The following ESR1 variants were observed in gnomAD, a reference collection of about 807,000 sequenced individuals.
ESR1 encodes estrogen receptor 1.
ESR1 carries 12 observed loss-of-function variants against 52.7 expected under a neutral mutation model. That is an observed-to-expected ratio of 0.23 (90% CI 0.15 to 0.37). ESR1 has a LOEUF of 0.37. Ranked by LOEUF, ESR1 falls within the 10% of genes least tolerant of loss-of-function variation. ESR1 has a pLI of 1.00. For synonymous variants in ESR1, 305 were observed against 316.8 expected, an observed-to-expected ratio of 0.96 and a Z score of 0.39; for missense variants, 584 against 779.7, an observed-to-expected ratio of 0.75 and a Z score of 2.99.
intron 2 of ESR1, among the ~76,000 whole-genome samples, chr6:151,770,677 C>G (rs1045230780): frequency 1.3e-5 from 2 of 151,692 alleles, no homozygotes; most frequent in East Asian, 3.9e-4. Flanking sequence ...GAATTTTAGG[C>G]AAAAAGTGTT....
In ESR1 at chr6:152,098,141, T is replaced by C. The variant is rs2050774693; in HGVS notation, c.1554-591T>C. ...AGGGCAGCACAAAAATCAGTGTGGC[T>C]CCGGAGAGCACATTAGGGGAGAGAG... is the stretch of plus-strand genomic sequence containing the variant. On this transcript the variant is annotated intron_variant, in intron 7 of 7. Transcript: ENST00000206249. This position sits in a 1 kb window ranked among gnomAD's most constrained non-coding sequence, Gnocchi z 5.1. Among the ~76,000 whole-genome samples the C allele has an allele frequency of 6.6e-6, 1 of 151,994 alleles. No homozygotes were observed. The highest frequency in any genetic ancestry group is 1.5e-5 in the Non-Finnish European group (1 of 68,006).
intron 2 of ESR1, among the ~76,000 whole-genome samples, chr6:151,725,039 T>C (rs1781737826): frequency 6.6e-6 from 1 of 152,228 alleles, no homozygotes; most frequent in African/African-American, 2.4e-5. Flanking sequence ...TATTTTCCTT[T>C]GTATTTCAAA....
chr6:152,048,639 G>A (rs562168193), intron 5 of ESR1, among the ~76,000 whole-genome samples: 7 of 152,182 alleles, frequency 4.6e-5, no homozygotes, highest in East Asian at 3.9e-4. Flanking sequence ...TCAGTGCCTC[G>A]AACATAGGAG....
intron 2 of ESR1, among the ~76,000 whole-genome samples, chr6:151,791,591 G>A (rs1301332777): frequency 6.6e-6 from 1 of 152,176 alleles, no homozygotes; most frequent in Non-Finnish European, 1.5e-5. Context: ...AGAAGTCCAT[G>A]CTGTGGGCTG....
chr6:151,991,602 C>G (rs1442488355), intron 4 of ESR1, among the ~76,000 whole-genome samples: 1 of 152,062 alleles, frequency 6.6e-6, no homozygotes, highest in Non-Finnish European at 1.5e-5. Context: ...GAAAATTTCA[C>G]AGAGAAAACG....
rs746281304 is a variant in ESR1 at position 152,053,279 on chromosome 6, C to T, written c.1236-7712C>T. 6.6e-6 allele frequency among the ~76,000 whole-genome samples: 1 copy of T among 151,944 alleles called. No individual in the cohort carries two copies. Among genetic ancestry groups the T allele is most frequent in the Non-Finnish European group, 1.5e-5 (1 of 68,004 alleles). On this transcript the variant is annotated intron_variant, in intron 5 of 7. Transcript: ENST00000206249. The surrounding 1 kb of genome is among the most constrained non-coding windows in gnomAD (Gnocchi z 4.1). Reference sequence around the variant, plus strand: ...ACCTTCTGACATTCAACATCTTGGTCGCTCCTATCCAGCCACACCTCTGAC... The same window carrying T: ...ACCTTCTGACATTCAACATCTTGGTTGCTCCTATCCAGCCACACCTCTGAC...
chr6:151,665,843 A>G (rs1777804180), intron 1 of ESR1, among the ~76,000 whole-genome samples: 1 of 152,224 alleles, frequency 6.6e-6, no homozygotes, highest in Non-Finnish European at 1.5e-5. Context: ...CCTCGAAGAG[A>G]CAGAGACAAG....
At chr6:151,771,991 A>G (rs934290875) in intron 2 of ESR1, among the ~76,000 whole-genome samples, 6 of 152,210 alleles carry the variant, frequency 3.9e-5, no homozygotes, top group Non-Finnish European at 7.3e-5. Context: ...GTTGTTTTGA[A>G]AAGAAGGGTA....
At chr6:152,046,344 C>T (rs536118606) in intron 5 of ESR1, among the ~76,000 whole-genome samples, 1 of 152,318 alleles carries the variant, frequency 6.6e-6, no homozygotes, top group East Asian at 1.9e-4. Context: ...GCGCCTGTTA[C>T]TAGTTACATA....
intron 1 of ESR1, among the ~76,000 whole-genome samples, chr6:151,815,364 C>T (rs541614637): frequency 4.4e-4 from 67 of 152,308 alleles, no homozygotes; most frequent in South Asian, 3.7e-3. Flanking sequence ...GGAGGAATCC[C>T]TGAGCACTGG....
chr6:152,026,502 G>A (rs746163395), intron 5 of ESR1, among the ~76,000 whole-genome samples: 3 of 151,806 alleles, frequency 2.0e-5, no homozygotes, highest in Non-Finnish European at 4.4e-5. Flanking sequence ...TCTACAATCG[G>A]ATTTTACTTA....
intron 6 of ESR1, among the ~76,000 whole-genome samples, chr6:152,124,964 G>A (rs1419982349): frequency 2.6e-5 from 4 of 152,136 alleles, no homozygotes; most frequent in Non-Finnish European, 4.4e-5. Context: ...AGTCCTCTGC[G>A]GTGTGTACTT....
intron 6 of ESR1, among the ~76,000 whole-genome samples, chr6:152,084,172 A>G (rs1217296372): frequency 6.6e-6 from 1 of 152,116 alleles, no homozygotes; most frequent in Non-Finnish European, 1.5e-5. Context: ...TATCATGAGG[A>G]CATAAAACCA....
At chr6:151,872,507 G>A (rs574626009) in intron 2 of ESR1, among the ~76,000 whole-genome samples, 2 of 151,976 alleles carry the variant, frequency 1.3e-5, no homozygotes, top group African/African-American at 4.8e-5. Flanking sequence ...TTTTTTCCTT[G>A]GCATAACTGT....
chr6:151,892,361 C>T (rs1794820433), intron 3 of ESR1, among the ~76,000 whole-genome samples: 1 of 152,134 alleles, frequency 6.6e-6, no homozygotes, highest in African/African-American at 2.4e-5. Context: ...CAATTTAGAA[C>T]AACTGCGGGC....
intron 5 of ESR1, among the ~76,000 whole-genome samples, chr6:152,014,358 TC>T (rs1403935708): frequency 6.6e-6 from 1 of 152,072 alleles, no homozygotes; most frequent in African/African-American, 2.4e-5. Context: ...ACTAACAATG[TC>T]TCCGGACATT....
intron 2 of ESR1, among the ~76,000 whole-genome samples, chr6:151,773,237 G>A (rs1034555569): frequency 6.6e-6 from 1 of 152,128 alleles, no homozygotes; most frequent in Non-Finnish European, 1.5e-5. Context: ...ATAAGCCAAC[G>A]AACCCCAAAG....
chr6:152,023,573 A>G (rs1037554248), intron 5 of ESR1, among the ~76,000 whole-genome samples: 27 of 152,238 alleles, frequency 1.8e-4, no homozygotes, highest in Non-Finnish European at 7.3e-5. Context: ...TAATTCTGTG[A>G]TATCATCTAA....
chr6:152,003,261 A>G (rs139934613), intron 4 of ESR1, among the ~76,000 whole-genome samples: 16 of 151,882 alleles, frequency 1.1e-4, no homozygotes, highest in Non-Finnish European at 2.1e-4. Context: ...TGTGAGATTA[A>G]TTCTTTTCTC....
Sources: allele counts gnomAD v4.1 joint callset (sites outside exome capture counted in the v4.1 genomes callset), GRCh38; gene constraint gnomAD v4.1.1; non-coding constraint Gnocchi (gnomAD v3.1); transcripts MANE v1.5; gene names NCBI Gene and HGNC (gene_info 2026-07-23, HGNC 2026-07-21).